Variants in ZNF804A observed in about 807,000 individuals in gnomAD.
The protein encoded by ZNF804A is zinc finger protein 804A.
ZNF804A carries 2 observed loss-of-function variants against 16.5 expected under a neutral mutation model. That is an observed-to-expected ratio of 0.12 (90% CI 0.05 to 0.38). The LOEUF is 0.38. ZNF804A is among the 10% of genes least tolerant of loss of function. ZNF804A has a pLI of 0.99. For synonymous variants in ZNF804A, 534 were observed against 489.6 expected (o/e 1.09, Z -1.20); for missense variants, 1,473 against 1,390.7 (o/e 1.06, Z -0.94).
chr2:184,619,366 TC>T (rs1181132262), intron 1 of ZNF804A, among the ~76,000 whole-genome samples: 3 of 151,994 alleles, frequency 2.0e-5, no homozygotes, highest in Non-Finnish European at 4.4e-5. Context: ...CTAGACTGCT[TC>T]AAGTTATATG....
intron 1 of ZNF804A, among the ~76,000 whole-genome samples, chr2:184,680,744 G>T (rs1371215414): frequency 6.6e-6 from 1 of 152,254 alleles, no homozygotes; most frequent in Non-Finnish European, 1.5e-5. Flanking sequence ...AGGGCTGAAA[G>T]AACTGTAACA....
chr2:184,697,125 A>G (rs1692844673), intron 1 of ZNF804A, among the ~76,000 whole-genome samples: 1 of 152,096 alleles, frequency 6.6e-6, no homozygotes. Flanking sequence ...TTTTAAATTA[A>G]TTATAGCAAA....
chr2:184,681,954 AAGT>A (rs1210136121), intron 1 of ZNF804A, among the ~76,000 whole-genome samples: 1 of 152,210 alleles, frequency 6.6e-6, no homozygotes, highest in Non-Finnish European at 1.5e-5. Context: ...ATATTAAGCC[AAGT>A]CGGAGTGCTG....
At chr2:184,904,085 C>T (rs1173158919) in intron 2 of ZNF804A, among the ~76,000 whole-genome samples, 3 of 151,844 alleles carry the variant, frequency 2.0e-5, no homozygotes, top group Non-Finnish European at 2.9e-5. Flanking sequence ...CAACAAACTA[C>T]TCTAAAAGGA....
In ZNF804A at chr2:184,937,033, A is replaced by C; in HGVS notation, c.1637A>C (p.Gln546Pro). 4 of 1,610,288 alleles carry C rather than the reference A, an allele frequency of 2.5e-6. No homozygotes were observed. Among genetic ancestry groups the C allele is most frequent in the Non-Finnish European group, 3.4e-6 (4 of 1,178,850 alleles). Reference sequence around the variant, plus strand: ...TCTGGAAAAAATGAGAACACAGGTCAGAGGTATAAAAACATTTCCTGTAAG... The same window carrying C: ...TCTGGAAAAAATGAGAACACAGGTCCGAGGTATAAAAACATTTCCTGTAAG... ...CDSGKNENTG[Q>P]RYKNISCKIR... Residue 546 changes from glutamine to proline, a missense_variant, in exon 4 of 4, where the codon CAG becomes CCG. Coordinates refer to ENST00000302277, the MANE Select transcript of ZNF804A (RefSeq NM_194250.2).
At chr2:184,728,758 GA>G (rs921060369) in intron 1 of ZNF804A, among the ~76,000 whole-genome samples, 3 of 151,356 alleles carry the variant, frequency 2.0e-5, no homozygotes, top group Non-Finnish European at 4.4e-5. Context: ...GCTTGCTTAA[GA>G]AAAAAAATAA....
intron 2 of ZNF804A, among the ~76,000 whole-genome samples, chr2:184,927,655 G>A (rs1685631720): frequency 6.6e-6 from 1 of 152,170 alleles, no homozygotes; most frequent in South Asian, 2.1e-4. Flanking sequence ...TCTACCTGGT[G>A]TTCCATTGTA....
At chr2:184,879,953 C>T (rs1045013970) in intron 2 of ZNF804A, among the ~76,000 whole-genome samples, 7 of 151,936 alleles carry the variant, frequency 4.6e-5, no homozygotes, top group East Asian at 1.9e-4. Flanking sequence ...TTGGTTTAAG[C>T]GATTTTTCAC....
At chr2:184,649,405 A>G (rs1691943261) in intron 1 of ZNF804A, among the ~76,000 whole-genome samples, 1 of 152,112 alleles carries the variant, frequency 6.6e-6, no homozygotes, top group Non-Finnish European at 1.5e-5. Flanking sequence ...CCCCAAAGCT[A>G]CCAGATGAAA....
chr2:184,713,713 T>G (rs1693170625), intron 1 of ZNF804A, among the ~76,000 whole-genome samples: 1 of 151,986 alleles, frequency 6.6e-6, no homozygotes, highest in Non-Finnish European at 1.5e-5. Flanking sequence ...GTGAAAATAT[T>G]AACAACGCAT....
At chr2:184,617,381 T>G (rs186701162) in intron 1 of ZNF804A, among the ~76,000 whole-genome samples, 4 of 152,110 alleles carry the variant, frequency 2.6e-5, no homozygotes, top group Admixed American at 2.0e-4. Flanking sequence ...ACCATTGTGT[T>G]GAATAACAAA....
chr2:184,907,871 T>C (rs1251411681), intron 2 of ZNF804A, among the ~76,000 whole-genome samples: 1 of 152,134 alleles, frequency 6.6e-6, no homozygotes, highest in Non-Finnish European at 1.5e-5. Flanking sequence ...ATATAGGAAG[T>C]TCACATTTGA....
At chr2:184,742,711 A>T (rs1017399093) in intron 1 of ZNF804A, among the ~76,000 whole-genome samples, 1 of 147,516 alleles carries the variant, frequency 6.8e-6, no homozygotes, top group African/African-American at 2.7e-5. Flanking sequence ...TGGTGAAAAA[A>T]TATAGAAAAT....
At chr2:184,745,327 A>G (rs1335436791) in intron 1 of ZNF804A, among the ~76,000 whole-genome samples, 1 of 151,820 alleles carries the variant, frequency 6.6e-6, no homozygotes, top group Non-Finnish European at 1.5e-5. Context: ...GAACAATCAT[A>G]TGGATGGATT....
At chr2:184,764,196 C>A (rs934426005) in intron 1 of ZNF804A, among the ~76,000 whole-genome samples, 6 of 150,596 alleles carry the variant, frequency 4.0e-5, no homozygotes, top group African/African-American at 1.5e-4. Flanking sequence ...AAAATTATGA[C>A]TTTTATTCAT....
chr2:184,646,369 G>T (rs1279152866), intron 1 of ZNF804A, among the ~76,000 whole-genome samples: 3 of 152,202 alleles, frequency 2.0e-5, no homozygotes. Flanking sequence ...GAACTGGTTT[G>T]CATATGCCAT....
intron 1 of ZNF804A, among the ~76,000 whole-genome samples, chr2:184,790,344 A>G (rs538144635): frequency 1.3e-5 from 2 of 151,894 alleles, no homozygotes; most frequent in Admixed American, 1.3e-4. Flanking sequence ...TACGTTCTGT[A>G]GATGTCTATT....
intron 1 of ZNF804A, among the ~76,000 whole-genome samples, chr2:184,863,473 T>C (rs527723406): frequency 6.6e-6 from 1 of 152,190 alleles, no homozygotes; most frequent in South Asian, 2.1e-4. Flanking sequence ...AAGAAGTCTG[T>C]TCCGCTAAAA....
intron 1 of ZNF804A, among the ~76,000 whole-genome samples, chr2:184,685,581 C>G (rs1260803377): frequency 6.6e-6 from 1 of 152,062 alleles, no homozygotes; most frequent in Non-Finnish European, 1.5e-5. Context: ...TCTCAGGAGA[C>G]TAAAAGTGGG....
Sources: allele counts gnomAD v4.1 joint callset (sites outside exome capture counted in the v4.1 genomes callset), GRCh38; gene constraint gnomAD v4.1.1; transcripts MANE v1.5; gene names NCBI Gene and HGNC (gene_info 2026-07-23, HGNC 2026-07-21).